The following AMZ1 variants were observed in gnomAD, a reference collection of about 807,000 sequenced individuals.
AMZ1 encodes the protein archaemetzincin-1.
Under a neutral mutation model 29.9 loss-of-function variants are expected in AMZ1, and 39 were observed. That is an observed-to-expected ratio of 1.30 (90% CI 1.01 to 1.70). AMZ1 has a LOEUF of 1.70. AMZ1 is among the 40% of genes most tolerant of loss of function. AMZ1 has a pLI of 0.00. For missense variants in AMZ1, 1,041 were observed against 680.6 expected (o/e 1.53, Z -5.89); for synonymous variants, 458 against 304.0 (o/e 1.51, Z -5.27).
chr7:2,682,501 C>T (rs1444310937), intron 1 of AMZ1, among the ~76,000 whole-genome samples: 1 of 152,186 alleles, frequency 6.6e-6, no homozygotes, highest in Non-Finnish European at 1.5e-5. Flanking sequence ...GCACGGAGCC[C>T]ATGGCAGGGA....
At chr7:2,680,729 G>A (rs56240822) in intron 1 of AMZ1, among the ~76,000 whole-genome samples, 1 of 152,226 alleles carries the variant, frequency 6.6e-6, no homozygotes, top group Non-Finnish European at 1.5e-5. Context: ...ACAGAGTTGG[G>A]GCCCCTCACG....
chr7:2,693,126 G>A (rs966935892), intron 1 of AMZ1, among the ~76,000 whole-genome samples: 2 of 152,234 alleles, frequency 1.3e-5, no homozygotes, highest in Non-Finnish European at 2.9e-5. Flanking sequence ...TTGAGATGGA[G>A]TTTTTGCTGT....
chr7:2,702,683 A>C, intron 2 of AMZ1, 39 bp from the exon 3 acceptor site: 1 of 1,491,808 alleles, frequency 6.7e-7, no homozygotes, highest in Admixed American at 2.2e-5. Context: ...CCAGGCGGGC[A>C]GGGGCGTCGC....
downstream of AMZ1, among the ~76,000 whole-genome samples, chr7:2,722,117 C>G (rs1370029879): frequency 6.6e-6 from 1 of 152,086 alleles, no homozygotes; most frequent in African/African-American, 2.4e-5. Context: ...GCAGTGTGTC[C>G]TCCTGCTGCG....
intron 4 of AMZ1, among the ~76,000 whole-genome samples, chr7:2,747,402 C>T (rs547154277): frequency 1.3e-5 from 2 of 152,332 alleles, no homozygotes; most frequent in South Asian, 2.1e-4. Context: ...AGTATATAAA[C>T]AGAACCAAAG....
At chr7:2,736,000 G>A (rs187078943) in intron 4 of AMZ1, among the ~76,000 whole-genome samples, 1 of 152,202 alleles carries the variant, frequency 6.6e-6, no homozygotes, top group Non-Finnish European at 1.5e-5. Context: ...TTCACCAACA[G>A]AGACTGGACA....
intron 1 of AMZ1, among the ~76,000 whole-genome samples, chr7:2,692,406 G>A (rs964477514): frequency 1.3e-5 from 2 of 152,226 alleles, no homozygotes; most frequent in East Asian, 1.9e-4. Context: ...GCCGGGTGTG[G>A]TGGCGGGCGC....
rs567470541 is a variant in AMZ1, at chr7:2,680,406, G to A, written c.-219+735G>A. On this transcript the variant is annotated intron_variant, in intron 1 of 6. Transcript: ENST00000312371. Reference sequence around the variant, plus strand: ...GGCACTGGAGACCCCGGGAGACCCCGGATCCTGCAGGGCTTCTCCAGGTGT... The same window carrying A: ...GGCACTGGAGACCCCGGGAGACCCCAGATCCTGCAGGGCTTCTCCAGGTGT... Among the ~76,000 whole-genome samples the A allele has an allele frequency of 2.3e-4, 35 of 152,256 alleles. 1 individual carries two copies. Among genetic ancestry groups the A allele is most frequent in the African/African-American group, 6.5e-4 (27 of 41,550 alleles).
At chr7:2,747,439 G>A (rs1453353747) in intron 4 of AMZ1, among the ~76,000 whole-genome samples, 1 of 152,210 alleles carries the variant, frequency 6.6e-6, no homozygotes, top group Non-Finnish European at 1.5e-5. Context: ...TATCTCAGTA[G>A]ATGCAGAAAA....
intron 5 of AMZ1, 24 bp from the exon 6 acceptor site, chr7:2,709,616 G>A (rs769180752): frequency 1.2e-6 from 2 of 1,601,094 alleles, no homozygotes; most frequent in African/African-American, 1.3e-5. Context: ...AGTGAGGCAA[G>A]GTGCTTGGTG....
At chr7:2,727,861 C>A (rs891469876) in intron 4 of AMZ1, among the ~76,000 whole-genome samples, 1 of 151,416 alleles carries the variant, frequency 6.6e-6, no homozygotes, top group Non-Finnish European at 1.5e-5. Context: ...ATAGAGACCA[C>A]CCTGGCCAAC....
intron 4 of AMZ1, among the ~76,000 whole-genome samples, chr7:2,725,287 C>G (rs1789573510): frequency 6.6e-6 from 1 of 152,236 alleles, no homozygotes; most frequent in African/African-American, 2.4e-5. Context: ...CAGAACCACG[C>G]CACGCCAGCA....
intron 1 of AMZ1, among the ~76,000 whole-genome samples, chr7:2,694,545 C>T (rs1463219387): frequency 3.9e-5 from 6 of 152,138 alleles, no homozygotes; most frequent in Admixed American, 1.3e-4. Context: ...ATCCTTCTGC[C>T]TCCCGAAGTA....
At chr7:2,738,435 A>T (rs1790324073) in intron 4 of AMZ1, among the ~76,000 whole-genome samples, 1 of 152,196 alleles carries the variant, frequency 6.6e-6, no homozygotes, top group African/African-American at 2.4e-5. Context: ...GGCGAAGGAG[A>T]AGAGCTCCGT....
chr7:2,736,607 T>C (rs1477713206), intron 4 of AMZ1, among the ~76,000 whole-genome samples: 6 of 152,198 alleles, frequency 3.9e-5, no homozygotes, highest in Non-Finnish European at 8.8e-5. Flanking sequence ...GCCGGGCAGA[T>C]GTGATGTCGT....
At position 2,680,848 on chromosome 7, in the gene AMZ1, G is replaced by A. The variant is rs368076329; in HGVS notation, c.-219+1177G>A. Among the ~76,000 whole-genome samples the A allele has an allele frequency of 1.4e-4, 22 of 152,372 alleles. No individual in the cohort carries two copies. In the East Asian group the frequency reaches 1.5e-3, roughly 11 times the overall value. On this transcript the variant is annotated intron_variant, in intron 1 of 6. Coordinates refer to the AMZ1 transcript ENST00000312371. ...CCTGACGACCCTGCTGGTCAAGCCC[G>A]GGGCCAGGCGTGTCTGAGGACTCCG... is the stretch of plus-strand genomic sequence containing the variant.
At chr7:2,757,160 G>T (rs1263889803) in intron 4 of AMZ1, among the ~76,000 whole-genome samples, 1 of 128,148 alleles carries the variant, frequency 7.8e-6, no homozygotes, top group African/African-American at 3.2e-5. Context: ...TTTTGAGACG[G>T]AGTCTTGCTC....
chr7:2,706,064 C>T (rs1383777182), intron 3 of AMZ1, among the ~76,000 whole-genome samples: 2 of 152,264 alleles, frequency 1.3e-5, no homozygotes, highest in African/African-American at 4.8e-5. Context: ...CCCCACACTT[C>T]AGAAGGTGCA....
In AMZ1 at chr7:2,712,605, A is replaced by G. The variant is rs1260696917; in HGVS notation, c.1224A>G (p.Glu408=). 3 of 1,612,650 alleles carry G rather than the reference A, an allele frequency of 1.9e-6. No homozygotes were observed. The highest frequency in any genetic ancestry group is 2.5e-6 in the Non-Finnish European group (3 of 1,179,812). The part of the protein sequence containing the change: ...GGPAEAIKEH[E]RWLAMCIQAL... ...CTGCGGAGGCCATCAAGGAGCATGA[A>G]CGGTGGCTGGCCATGTGCATCCAGG... The change falls in exon 7 of 7, where the codon GAA becomes GAG. Residue 408 remains glutamate, a synonymous_variant. Coordinates refer to ENST00000683327, the MANE Select transcript of AMZ1 (RefSeq NM_001384743.1).
Sources: gnomAD v4.1 joint callset for allele counts (sites outside exome capture counted in the v4.1 genomes callset) on GRCh38, gnomAD v4.1.1 for gene constraint, MANE v1.5 for transcripts, NCBI Gene and HGNC (gene_info 2026-07-23, HGNC 2026-07-21) for gene names.